The following ERICH3 variants were observed in gnomAD, a reference collection of about 807,000 sequenced individuals.
The protein encoded by ERICH3 is glutamate rich 3.
ERICH3 carries 126 observed loss-of-function variants against 131.1 expected under a neutral mutation model. That is an observed-to-expected ratio of 0.96 (90% CI 0.83 to 1.11). The LOEUF (loss-of-function observed/expected upper bound fraction) is 1.11, where lower values mean the gene tolerates loss of function less well. ERICH3 is among the 50% of genes most tolerant of loss of function. ERICH3 has a pLI of 0.00. For missense variants in ERICH3, 2,050 were observed against 1,810.7 expected, an observed-to-expected ratio of 1.13 and a Z score of -2.40; for synonymous variants, 695 against 644.6, an observed-to-expected ratio of 1.08 and a Z score of -1.18.
Position 74,599,847 on chromosome 1 carries a change from C to A in ERICH3, c.1574G>T (p.Gly525Val), listed in dbSNP as rs1032005999. The change falls in exon 11 of 15, where the codon GGA becomes GTA. Residue 525 changes from glycine to valine, a missense_variant. Coordinates refer to ENST00000326665, the MANE Select transcript of ERICH3 (RefSeq NM_001002912.5). ...EEGQADVQMN[G>V]IPQSPLDDKK... ...ATCATCCAAAGGTGACTGCGGTATT[C>A]CATTCATTTGAACATCAGCCTGTCC... The A allele has an allele frequency of 6.2e-7, 1 of 1,612,314 alleles. No homozygotes were observed. The highest frequency in any genetic ancestry group is 1.3e-5 in the African/African-American group (1 of 74,872).
chr1:74,599,405 A>T, intron 11 of ERICH3, among the ~76,000 whole-genome samples: 1 of 151,918 alleles, frequency 6.6e-6, no homozygotes, highest in Admixed American at 6.6e-5. Context: ...GTGGGGAACA[A>T]CAAACACTGG....
intron 13 of ERICH3, among the ~76,000 whole-genome samples, chr1:74,575,032 C>T (rs1647025698): frequency 8.2e-6 from 1 of 121,818 alleles, no homozygotes; most frequent in Non-Finnish European, 2.0e-5. Flanking sequence ...TGATGCTCCT[C>T]ATTTGTTTTT....
chr1:74,571,838 T>A lies in ERICH3; in HGVS notation c.3872A>T (p.Asp1291Val). The A allele has an allele frequency of 6.2e-7, 1 of 1,612,544 alleles. No individual in the cohort carries two copies. Among genetic ancestry groups the A allele is most frequent in the Non-Finnish European group, 8.5e-7 (1 of 1,180,016 alleles). Residue 1291 changes from aspartate to valine, a missense_variant, in exon 14 of 15, where the codon GAT (aspartate) becomes GTT (valine). Asp to Val is a radical substitution (Grantham distance 152). Coordinates refer to ENST00000326665, the MANE Select transcript of ERICH3 (RefSeq NM_001002912.5). ...GTCCTCTTCCTCCTCTGGGTCCTCA[T>A]CCACCGCTTCCTCCCTGAACTTTTC... ...MAEKFREEAV[D>V]EDPEEEEDKE...
intron 3 of ERICH3, among the ~76,000 whole-genome samples, chr1:74,644,110 T>C (rs1167444335): frequency 2.6e-5 from 4 of 152,098 alleles, no homozygotes; most frequent in Admixed American, 2.0e-4. Context: ...GTTTTATTCA[T>C]TGGCCCTTTG....
chr1:74,612,192 G>A (rs1291483037), intron 9 of ERICH3, among the ~76,000 whole-genome samples: 1 of 152,084 alleles, frequency 6.6e-6, no homozygotes, highest in African/African-American at 2.4e-5. Flanking sequence ...CCTCTAAAAG[G>A]CATAACCGAA....
In ERICH3 at chr1:74,660,538, T is replaced by C. The variant is rs1306903104; in HGVS notation, c.24-11223A>G. Among the ~76,000 whole-genome samples, 9 of 150,352 alleles carry C rather than the reference T, an allele frequency of 6.0e-5. No individual in the cohort carries two copies. In the Admixed American group the frequency reaches 6.0e-4, roughly 10 times the overall value. The stretch of plus-strand genomic sequence containing the variant: ...CCTACTTAAACTCTTTAAACTACCA[T>C]CCATTGATTATAAGAAGGCTCAATA... On this transcript the variant is annotated intron_variant, in intron 1 of 14. Transcript: ENST00000326665.
intron 10 of ERICH3, among the ~76,000 whole-genome samples, chr1:74,600,234 G>A (rs960225322): frequency 6.6e-6 from 1 of 151,682 alleles, no homozygotes. Context: ...AGAAGAACTT[G>A]ATATAAAACA....
Position 74,649,261 on chromosome 1 carries a change from G to C in ERICH3, c.78C>G (p.Asn26Lys), listed in dbSNP as rs1255117932. ...AGAGATGACGCCTTATCCTTGTATT[G>C]TTAAAATACCCAGCCAGGTGTTTAT... is the stretch of plus-strand genomic sequence containing the variant. The part of the protein sequence containing the change: ...LMDKHLAGYF[N>K]NTRIRRHLLR... Residue 26 changes from asparagine to lysine, a missense_variant, in exon 2 of 15, where the codon AAC (asparagine) becomes AAG (lysine). Asn to Lys is a moderately conservative substitution (Grantham distance 94). Coordinates refer to ENST00000326665, the MANE Select transcript of ERICH3 (RefSeq NM_001002912.5). The C allele has an allele frequency of 6.2e-7, 1 of 1,612,488 alleles. No homozygotes were observed. Among genetic ancestry groups the C allele is most frequent in the African/African-American group, 1.3e-5 (1 of 74,808 alleles).
At chr1:74,633,326 G>A (rs562480029) in intron 6 of ERICH3, among the ~76,000 whole-genome samples, 2 of 151,854 alleles carry the variant, frequency 1.3e-5, no homozygotes, top group South Asian at 2.1e-4. Context: ...ATTGCATTTT[G>A]TCAAGCTCTA....
chr1:74,662,681 C>A (rs1450545589), intron 1 of ERICH3, among the ~76,000 whole-genome samples: 2 of 152,152 alleles, frequency 1.3e-5, no homozygotes, highest in African/African-American at 4.8e-5. Context: ...GAGGCATTAA[C>A]TTCTCCTTAC....
chr1:74,613,708 T>C (rs1020734102), intron 8 of ERICH3, among the ~76,000 whole-genome samples: 2 of 152,126 alleles, frequency 1.3e-5, no homozygotes, highest in African/African-American at 4.8e-5. Context: ...CAATTAATAG[T>C]TTTTAATCAT....
At chr1:74,631,605 C>T (rs536110094) in intron 7 of ERICH3, 108 bp downstream of exon 7, 9 of 875,416 alleles carry the variant, frequency 1.0e-5, no homozygotes, top group African/African-American at 1.7e-5. Context: ...TTACACACAA[C>T]GTTTTGCATG....
chr1:74,595,466 G>C (rs1170962506), intron 11 of ERICH3, among the ~76,000 whole-genome samples: 1 of 151,912 alleles, frequency 6.6e-6, no homozygotes. Context: ...CATATTCACA[G>C]GTAAATGCAG....
chr1:74,666,237 T>C (rs1290285835), intron 1 of ERICH3, among the ~76,000 whole-genome samples: 1 of 151,870 alleles, frequency 6.6e-6, no homozygotes, highest in Non-Finnish European at 1.5e-5. Flanking sequence ...AAGTTAACCA[T>C]ACAAAAGAGA....
chr1:74,651,885 C>T (rs903718779), intron 1 of ERICH3, among the ~76,000 whole-genome samples: 1 of 152,102 alleles, frequency 6.6e-6, no homozygotes, highest in African/African-American at 2.4e-5. Context: ...ATTGCTTAGC[C>T]AGCTTTGGTA....
Position 74,641,395 on chromosome 1 carries a change from C to T in ERICH3, c.380G>A (p.Gly127Asp). The T allele has an allele frequency of 6.2e-7, 1 of 1,612,528 alleles. No individual in the cohort carries two copies. Among genetic ancestry groups the T allele is most frequent in the South Asian group, 1.1e-5 (1 of 90,900 alleles). The change falls in exon 5 of 15, where the codon GGC (glycine) becomes GAC (aspartate). Residue 127 changes from glycine (G) to aspartate (D), a missense_variant. Gly to Asp is a moderately conservative substitution (Grantham distance 94, BLOSUM62 -1). Coordinates refer to ENST00000326665, the MANE Select transcript of ERICH3 (RefSeq NM_001002912.5). ...ACTATGGCCACGATTACTCTTTGGG[C>T]CAACTGGTGGGTGGGGAGACAGGAT... The part of the protein sequence containing the change: ...MPILSPHPPV[G>D]PKSNRGHSVL...
chr1:74,593,182 T>C (rs941057448), intron 11 of ERICH3, among the ~76,000 whole-genome samples: 4 of 152,160 alleles, frequency 2.6e-5, no homozygotes, highest in African/African-American at 7.2e-5. Flanking sequence ...CATTGTTCCA[T>C]GTCCTAAGCA....
intron 8 of ERICH3, among the ~76,000 whole-genome samples, chr1:74,619,666 C>T (rs559664140): frequency 6.6e-6 from 1 of 152,252 alleles, no homozygotes; most frequent in East Asian, 1.9e-4. Flanking sequence ...TCATTTTCCT[C>T]AACTACAAAA....
At chr1:74,597,851 A>C (rs116671661) in intron 11 of ERICH3, among the ~76,000 whole-genome samples, 3,597 of 152,044 alleles carry the variant, frequency 0.024, 154 homozygotes, top group African/African-American at 0.083. Flanking sequence ...ATTCACGTGG[A>C]ACCAAAATGT....
Sources: allele counts gnomAD v4.1 joint callset (sites outside exome capture counted in the v4.1 genomes callset), GRCh38; gene constraint gnomAD v4.1.1; transcripts MANE v1.5; gene names NCBI Gene and HGNC (gene_info 2026-07-23, HGNC 2026-07-21).